The following CPED1 variants were observed in gnomAD, a reference collection of about 807,000 sequenced individuals.
CPED1 encodes cadherin-like and PC-esterase domain-containing protein 1.
A neutral mutation model predicts 128.2 loss-of-function variants in CPED1; 114 were observed. That is an observed-to-expected ratio of 0.89 (90% confidence interval 0.76 to 1.04). The LOEUF (loss-of-function observed/expected upper bound fraction) is 1.04, where lower values mean the gene tolerates loss of function less well. CPED1 is among the 50% of genes least tolerant of loss of function. The pLI is 0.00. For missense variants in CPED1, 1,211 were observed against 1,207.1 expected, an observed-to-expected ratio of 1.00 and a Z score of -0.05; for synonymous variants, 462 against 426.7, an observed-to-expected ratio of 1.08 and a Z score of -1.02.
chr7:121,076,952 C>T (rs1161397423), intron 5 of CPED1, among the ~76,000 whole-genome samples: 1 of 151,716 alleles, frequency 6.6e-6, no homozygotes. Context: ...CTCAGGAGTC[C>T]CATATAACCA....
At chr7:121,238,848 T>C (rs1584622248) in intron 17 of CPED1, among the ~76,000 whole-genome samples, 1 of 152,070 alleles carries the variant, frequency 6.6e-6, no homozygotes, top group East Asian at 1.9e-4. Context: ...TAGGCTTCTC[T>C]AGAGAAGAGA....
intron 7 of CPED1, among the ~76,000 whole-genome samples, chr7:121,111,548 T>G (rs1795108118): frequency 6.6e-6 from 1 of 152,160 alleles, no homozygotes; most frequent in Non-Finnish European, 1.5e-5. Context: ...GTGTGATGTA[T>G]TCAGATAAGA....
chr7:121,101,411 C>A (rs1794847108), intron 7 of CPED1, among the ~76,000 whole-genome samples: 1 of 152,012 alleles, frequency 6.6e-6, no homozygotes, highest in Non-Finnish European at 1.5e-5. Context: ...TTCATGATTT[C>A]TTGAAATATT....
At chr7:121,238,151 C>G (rs148483722) in intron 17 of CPED1, among the ~76,000 whole-genome samples, 1 of 152,162 alleles carries the variant, frequency 6.6e-6, no homozygotes, top group Non-Finnish European at 1.5e-5. Context: ...ACTAAATGTA[C>G]GCTAACTTAT....
At chr7:121,143,314 C>T (rs946242416) in intron 16 of CPED1, among the ~76,000 whole-genome samples, 1 of 151,974 alleles carries the variant, frequency 6.6e-6, no homozygotes, top group Non-Finnish European at 1.5e-5. Context: ...TATAGGACTT[C>T]CCTGAACCTC....
intron 4 of CPED1, among the ~76,000 whole-genome samples, chr7:121,052,796 C>T (rs954314546): frequency 1.3e-5 from 2 of 152,146 alleles, no homozygotes; most frequent in African/African-American, 4.8e-5. Context: ...GATCTTGGTT[C>T]ACTGCAACTG....
chr7:121,263,589 T>A (rs538822702), intron 18 of CPED1, among the ~76,000 whole-genome samples: 1 of 152,054 alleles, frequency 6.6e-6, no homozygotes, highest in Non-Finnish European at 1.5e-5. Context: ...TACCTAAGAA[T>A]TCTGAAACAG....
intron 16 of CPED1, among the ~76,000 whole-genome samples, chr7:121,189,760 TTATATATATATATATATATA>T (rs377035175): frequency 1.1e-4 from 5 of 47,468 alleles, no homozygotes; most frequent in African/African-American, 1.6e-4. Context: ...TTATGAGGTT[TTATATATATATATATATATA>T]TATATATATA....
At chr7:120,994,625 C>T (rs1585005305) in intron 2 of CPED1, among the ~76,000 whole-genome samples, 1 of 144,570 alleles carries the variant, frequency 6.9e-6, no homozygotes, top group African/African-American at 2.6e-5. Context: ...ATTTGTTATA[C>T]TGTGTGTGTG....
chr7:121,151,369 TTC>T (rs1796154568), intron 16 of CPED1, among the ~76,000 whole-genome samples: 1 of 152,204 alleles, frequency 6.6e-6, no homozygotes, highest in African/African-American at 2.4e-5. Flanking sequence ...ACAGTTTCAT[TTC>T]TGTCATAAAA....
intron 16 of CPED1, among the ~76,000 whole-genome samples, chr7:121,218,391 C>A (rs1036228830): frequency 3.3e-5 from 5 of 151,940 alleles, no homozygotes; most frequent in African/African-American, 1.2e-4. Context: ...CTTAGTAGTG[C>A]CACTCAAGCA....
intron 12 of CPED1, among the ~76,000 whole-genome samples, chr7:121,132,388 G>GT (rs1416750694): frequency 1.3e-5 from 2 of 151,912 alleles, no homozygotes; most frequent in African/African-American, 2.4e-5. Flanking sequence ...GGTTACCACA[G>GT]TTTTTTCTAT....
intron 5 of CPED1, among the ~76,000 whole-genome samples, chr7:121,092,043 G>C (rs1794583461): frequency 1.3e-5 from 2 of 152,132 alleles, no homozygotes; most frequent in Admixed American, 1.3e-4. Flanking sequence ...CCTTTTGGCT[G>C]TCTGCTGGTG....
At position 121,117,924 on chromosome 7, in the gene CPED1, CAA is replaced by C. The variant is rs34781215; in HGVS notation, c.919-6395_919-6394del. Reference sequence around the variant, plus strand: ...TACTCAAAGGTGAAAAAACATTTGCCAAAAAAAAAAAAAGAGAAAATTTAACT... The same window carrying C: ...TACTCAAAGGTGAAAAAACATTTGCCAAAAAAAAAAAGAGAAAATTTAACT... On this transcript the variant is annotated intron_variant, in intron 7 of 22. Coordinates refer to ENST00000310396, the MANE Select transcript of CPED1 (RefSeq NM_024913.5). Among the ~76,000 whole-genome samples the C allele has an allele frequency of 4.1e-3, 593 of 145,392 alleles. 4 individuals are homozygous for C. The highest frequency in any genetic ancestry group is 0.011 in the Middle Eastern group (3 of 274).
intron 22 of CPED1, among the ~76,000 whole-genome samples, chr7:121,290,174 A>G (rs1051894613): frequency 2.0e-5 from 3 of 152,244 alleles, no homozygotes; most frequent in Admixed American, 6.5e-5. Context: ...TCCATGGTAT[A>G]TACGTGCCAC....
At chr7:121,025,803 G>A (rs925567624) in intron 3 of CPED1, among the ~76,000 whole-genome samples, 1 of 152,122 alleles carries the variant, frequency 6.6e-6, no homozygotes, top group African/African-American at 2.4e-5. Flanking sequence ...CCCCTCAGGA[G>A]ATATAACCTC....
chr7:121,131,130 T>G (rs778944200), intron 12 of CPED1, among the ~76,000 whole-genome samples: 3 of 152,098 alleles, frequency 2.0e-5, no homozygotes, highest in Non-Finnish European at 4.4e-5. Flanking sequence ...TGGCTTCAGC[T>G]CTATTGACTT....
At chr7:121,129,015 C>T (rs550583294) in intron 11 of CPED1, among the ~76,000 whole-genome samples, 1 of 151,610 alleles carries the variant, frequency 6.6e-6, no homozygotes, top group Admixed American at 6.6e-5. Flanking sequence ...TTAAAAAAGG[C>T]ATTCATTTTA....
chr7:121,211,989 G>A (rs1394208724), intron 16 of CPED1, among the ~76,000 whole-genome samples: 2 of 151,918 alleles, frequency 1.3e-5, no homozygotes, highest in African/African-American at 2.4e-5. Context: ...TATAACTGGG[G>A]CCATGGTGTC....
Sources: gnomAD v4.1 joint callset for allele counts (sites outside exome capture counted in the v4.1 genomes callset) on GRCh38, gnomAD v4.1.1 for gene constraint, MANE v1.5 for transcripts, NCBI Gene and HGNC (gene_info 2026-07-23, HGNC 2026-07-21) for gene names.